The following DTL variants were observed in gnomAD, a reference collection of about 807,000 sequenced individuals.
The protein encoded by DTL is denticleless E3 ubiquitin protein ligase adapter, also known as denticleless protein homolog.
A neutral mutation model predicts 87.0 loss-of-function variants in DTL; 46 were observed. That is an observed-to-expected ratio of 0.53 (90% CI 0.42 to 0.68). DTL has a LOEUF of 0.68. Among genes scored for constraint, DTL ranks in the 30% least tolerant of loss-of-function variants. The pLI is 0.00. For missense variants in DTL, 737 were observed against 869.4 expected (o/e 0.85, Z 1.91); for synonymous variants, 308 against 311.2 (o/e 0.99, Z 0.11).
chr1:212,050,297 CCTACA>C (rs1667928535), intron 5 of DTL, among the ~76,000 whole-genome samples: 1 of 152,062 alleles, frequency 6.6e-6, no homozygotes, highest in African/African-American at 2.4e-5. Flanking sequence ...TTCCTTCCAC[CCTACA>C]TAGGTAGGAT....
At chr1:212,075,456 TA>T (rs1425633540) in intron 11 of DTL, among the ~76,000 whole-genome samples, 1 of 152,110 alleles carries the variant, frequency 6.6e-6, no homozygotes, top group Non-Finnish European at 1.5e-5. Flanking sequence ...AAGGAAGCTT[TA>T]AAAAATGAAG....
intron 6 of DTL, among the ~76,000 whole-genome samples, chr1:212,063,758 T>C (rs1003127757): frequency 2.6e-5 from 4 of 152,342 alleles, no homozygotes; most frequent in Non-Finnish European, 4.4e-5. Flanking sequence ...TTTTCAGGGG[T>C]ATATGTGATA....
Position 212,100,854 on chromosome 1 carries a change from C to G in DTL, c.1864C>G (p.Pro622Ala). 6.2e-7 allele frequency: 1 copy of G among 1,614,192 alleles called. No individual in the cohort carries two copies. The highest frequency in any genetic ancestry group is 1.3e-5 in the African/African-American group (1 of 75,044). ...AGCTGGTACCAGTATCTCAGAGCCT[C>G]CGTCTCCTATCAGTCCGTATGCTTC... is the stretch of plus-strand genomic sequence containing the variant. ...EGAGTSISEP[P>A]SPISPYASES... The change falls in exon 14 of 15, where the codon CCG becomes GCG. Residue 622 changes from proline to alanine, a missense_variant. Pro to Ala is a conservative substitution (Grantham distance 27, BLOSUM62 -1). Coordinates refer to ENST00000366991, the MANE Select transcript of DTL (RefSeq NM_016448.4).
At chr1:212,084,242 G>A (rs1475121953) in intron 13 of DTL, among the ~76,000 whole-genome samples, 49 of 147,902 alleles carry the variant, frequency 3.3e-4, no homozygotes, top group Admixed American at 3.3e-3. Context: ...CACTCTTGTC[G>A]CTGAGCCTGG....
chr1:212,103,558 T>C lies in DTL; in HGVS notation c.*618T>C, dbSNP rs1397714050. 1 of 152,210 alleles carries C rather than the reference T, an allele frequency of 6.6e-6. No individual in the cohort carries two copies. Among genetic ancestry groups the C allele is most frequent in the African/African-American group, 2.4e-5 (1 of 41,454 alleles). 9.4% of individuals were successfully genotyped at this position (152,210 alleles called of 1,614,324 possible). ...AAAGTCATCTTTATTTTAAATGCAGTGATAAATGTCAACTCTTCGGAGAAA... is the reference window on the plus strand; with the variant it reads ...AAAGTCATCTTTATTTTAAATGCAGCGATAAATGTCAACTCTTCGGAGAAA... On this transcript the variant is annotated 3_prime_UTR_variant, in exon 15 of 15. Transcript: ENST00000366991.
chr1:212,078,133 AAT>A, intron 11 of DTL, 38 bp from the exon 12 acceptor site: 1 of 1,245,398 alleles, frequency 8.0e-7, no homozygotes, highest in African/African-American at 1.5e-5. Context: ...TGGGAAATCT[AAT>A]ATTGCTTTGC....
At chr1:212,052,043 A>C in intron 5 of DTL, 1 of 988,572 alleles carries the variant, frequency 1.0e-6, no homozygotes, top group Non-Finnish European at 1.6e-6. Context: ...TTCCGGCCGA[A>C]AAGAAGCTGG....
chr1:212,059,954 G>A (rs542229860), intron 5 of DTL, among the ~76,000 whole-genome samples: 1 of 151,968 alleles, frequency 6.6e-6, no homozygotes, highest in Non-Finnish European at 1.5e-5. Flanking sequence ...AAAACACTTA[G>A]GAATAAATTT....
chr1:212,042,591 A>G (rs1470880282), intron 1 of DTL, among the ~76,000 whole-genome samples: 1 of 152,202 alleles, frequency 6.6e-6, no homozygotes, highest in African/African-American at 2.4e-5. Flanking sequence ...CTCTTTGACC[A>G]TTGGATTTTG....
intron 13 of DTL, among the ~76,000 whole-genome samples, chr1:212,089,226 A>T (rs970873133): frequency 5.9e-5 from 9 of 152,246 alleles, no homozygotes; most frequent in African/African-American, 2.2e-4. Context: ...AAGGTCAATA[A>T]GGAGTTAGTC....
intron 10 of DTL, among the ~76,000 whole-genome samples, chr1:212,069,504 A>T (rs1333477940): frequency 2.0e-5 from 3 of 151,936 alleles, no homozygotes; most frequent in Non-Finnish European, 4.4e-5. Flanking sequence ...CAAGTACAGA[A>T]CTTGTTTTAT....
At chr1:212,044,827 T>C in intron 3 of DTL, 69 bp downstream of exon 3, 2 of 887,984 alleles carry the variant, frequency 2.3e-6, no homozygotes, top group East Asian at 4.9e-5. Flanking sequence ...TATATTATTA[T>C]TTGAACACAT....
At chr1:212,072,252 G>A (rs367760119) in intron 11 of DTL, 39 bp downstream of exon 11, 26 of 1,448,426 alleles carry the variant, frequency 1.8e-5, no homozygotes, top group Non-Finnish European at 2.3e-5. Context: ...TTAGACTGAA[G>A]TATTCTTGCA....
chr1:212,091,418 C>G lies in DTL; in HGVS notation c.1262-8834C>G, dbSNP rs190846654. Among the ~76,000 whole-genome samples the G allele has an allele frequency of 1.1e-4, 16 of 152,242 alleles. No individual in the cohort carries two copies. The East Asian group carries it at 2.5e-3, about 24-fold the overall frequency. On this transcript the variant is annotated intron_variant, in intron 13 of 14. Transcript: ENST00000366991. ...GTTTCTCAAAAAATTGAAAATAGAACTACCATATGATCCAGCAATTTCACT... is the reference window on the plus strand; with the variant it reads ...GTTTCTCAAAAAATTGAAAATAGAAGTACCATATGATCCAGCAATTTCACT...
At chr1:212,093,611 TGGCCTGCC>T (rs955443452) in intron 13 of DTL, among the ~76,000 whole-genome samples, 7 of 152,240 alleles carry the variant, frequency 4.6e-5, no homozygotes, top group African/African-American at 1.4e-4. Context: ...GATGCCCTGC[TGGCCTGCC>T]GGCCTGCCTA....
At chr1:212,058,753 G>T (rs954357410) in intron 5 of DTL, among the ~76,000 whole-genome samples, 1 of 151,854 alleles carries the variant, frequency 6.6e-6, no homozygotes, top group Non-Finnish European at 1.5e-5. Context: ...ACAAAAGGTT[G>T]GTTTTTGGAA....
chr1:212,055,050 C>T (rs1465980765), intron 5 of DTL, among the ~76,000 whole-genome samples: 1 of 152,052 alleles, frequency 6.6e-6, no homozygotes, highest in Non-Finnish European at 1.5e-5. Flanking sequence ...CAGAGTGGAA[C>T]CAAAATAGTG....
chr1:212,072,070 G>T, intron 10 of DTL, 31 bp from the exon 11 acceptor site: 1 of 1,504,252 alleles, frequency 6.6e-7, no homozygotes, highest in Non-Finnish European at 9.3e-7. Flanking sequence ...AATAACAAGA[G>T]CCAAGTAATT....
chr1:212,051,442 CTTTTTTTTTTTTTTTTT>C (rs958429363), intron 5 of DTL: 22 of 197,202 alleles, frequency 1.1e-4, no homozygotes, highest in East Asian at 3.0e-4. Flanking sequence ...ATATGAAATT[CTTTTTTTTTTTTTTTTT>C]TTTTTTTTTT....
Sources: allele counts gnomAD v4.1 joint callset (sites outside exome capture counted in the v4.1 genomes callset), GRCh38; gene constraint gnomAD v4.1.1; transcripts MANE v1.5; gene names NCBI Gene and HGNC (gene_info 2026-07-23, HGNC 2026-07-21).